Variants in CCBE1 observed in about 807,000 individuals in gnomAD.
CCBE1 encodes collagen and calcium-binding EGF domain-containing protein 1.
Under a neutral mutation model 50.0 loss-of-function variants are expected in CCBE1, and 37 were observed. That is an observed-to-expected ratio of 0.74 (90% confidence interval 0.57 to 0.97). CCBE1 has a LOEUF of 0.97. Ranked by LOEUF, CCBE1 falls within the 50% of genes least tolerant of loss-of-function variation. The probability of loss-of-function intolerance (pLI) is 0.00; values close to 1 mark genes in which losing one functional copy is unlikely to be tolerated. For missense variants in CCBE1, 538 were observed against 523.8 expected, an observed-to-expected ratio of 1.03 and a Z score of -0.26; for synonymous variants, 234 against 203.7, an observed-to-expected ratio of 1.15 and a Z score of -1.27.
chr18:59,622,508 A>G (rs551923910), intron 2 of CCBE1, among the ~76,000 whole-genome samples: 6,110 of 63,842 alleles, frequency 0.096, 316 homozygotes, highest in African/African-American at 0.24. Flanking sequence ...CATCTTAAAG[A>G]AAAAAAAAAA....
At chr18:59,670,856 G>A (rs1019848714) in intron 2 of CCBE1, among the ~76,000 whole-genome samples, 1 of 152,130 alleles carries the variant, frequency 6.6e-6, no homozygotes, top group Non-Finnish European at 1.5e-5. Flanking sequence ...GCTGAGCCAG[G>A]AGAATCACTT....
chr18:59,528,998 G>C (rs147346973), intron 2 of CCBE1, among the ~76,000 whole-genome samples: 1 of 152,220 alleles, frequency 6.6e-6, no homozygotes, highest in African/African-American at 2.4e-5. Context: ...CTTGGCGGAG[G>C]GGGTGTGCTG....
chr18:59,442,763 G>T (rs1039007635), intron 7 of CCBE1, among the ~76,000 whole-genome samples: 6 of 152,002 alleles, frequency 3.9e-5, no homozygotes, highest in South Asian at 2.1e-4. Context: ...AAAATTGGGA[G>T]ATTTCATATA....
intron 5 of CCBE1, 84 bp from the exon 6 acceptor site, chr18:59,455,035 C>T (rs1911121833): frequency 9.3e-7 from 1 of 1,080,550 alleles, no homozygotes; most frequent in Non-Finnish European, 1.4e-6. Context: ...AGGGCGGTCC[C>T]AGGGACAGAG....
chr18:59,626,080 C>T (rs2053780643), intron 2 of CCBE1, among the ~76,000 whole-genome samples: 1 of 152,168 alleles, frequency 6.6e-6, no homozygotes, highest in South Asian at 2.1e-4. Flanking sequence ...AAAAATGCTA[C>T]ATAGACATGC....
At chr18:59,622,381 G>A (rs996413665) in intron 2 of CCBE1, among the ~76,000 whole-genome samples, 1 of 151,656 alleles carries the variant, frequency 6.6e-6, no homozygotes, top group African/African-American at 2.4e-5. Context: ...CTGTAATCTC[G>A]GGATTACAGC....
chr18:59,523,077 A>G (rs1914676775), intron 2 of CCBE1, among the ~76,000 whole-genome samples: 1 of 151,920 alleles, frequency 6.6e-6, no homozygotes, highest in Non-Finnish European at 1.5e-5. Context: ...TGTACTCCTG[A>G]ACAGGACTTA....
chr18:59,529,265 G>A (rs1914953314), intron 2 of CCBE1, among the ~76,000 whole-genome samples: 1 of 152,226 alleles, frequency 6.6e-6, no homozygotes, highest in South Asian at 2.1e-4. Flanking sequence ...CACAGCTGCT[G>A]TGCTGTGCTG....
At chr18:59,477,484 C>T (rs919905371) in intron 3 of CCBE1, among the ~76,000 whole-genome samples, 1 of 151,842 alleles carries the variant, frequency 6.6e-6, no homozygotes, top group Admixed American at 6.6e-5. Context: ...CAGAAAAAAG[C>T]CCTGTAAATT....
intron 2 of CCBE1, among the ~76,000 whole-genome samples, chr18:59,609,439 G>T (rs911528384): frequency 2.1e-4 from 32 of 152,206 alleles, no homozygotes; most frequent in African/African-American, 7.5e-4. Context: ...CTAGGTTTTC[G>T]ACATGCTACA....
intron 2 of CCBE1, among the ~76,000 whole-genome samples, chr18:59,489,862 GAGA>G (rs1913008193): frequency 6.6e-6 from 1 of 151,848 alleles, no homozygotes; most frequent in Non-Finnish European, 1.5e-5. Flanking sequence ...TAGTTCAAAT[GAGA>G]AGAAGATCAT....
intron 6 of CCBE1, among the ~76,000 whole-genome samples, chr18:59,451,456 G>A (rs1249293801): frequency 2.1e-4 from 22 of 105,088 alleles, no homozygotes; most frequent in Admixed American, 1.8e-3. Context: ...AAAAAAAAAA[G>A]GACAGGAGAG....
intron 2 of CCBE1, among the ~76,000 whole-genome samples, chr18:59,538,442 A>G (rs1469676285): frequency 6.6e-6 from 1 of 152,236 alleles, no homozygotes; most frequent in African/African-American, 2.4e-5. Flanking sequence ...AAGCAAATCA[A>G]TCAGCTGATG....
intron 2 of CCBE1, among the ~76,000 whole-genome samples, chr18:59,629,068 T>A (rs570518916): frequency 6.6e-6 from 1 of 152,036 alleles, no homozygotes; most frequent in Admixed American, 6.5e-5. Context: ...GGGACATACA[T>A]GAGATCCTGT....
intron 2 of CCBE1, among the ~76,000 whole-genome samples, chr18:59,685,138 A>T (rs960926553): frequency 6.6e-6 from 1 of 151,984 alleles, no homozygotes; most frequent in African/African-American, 2.4e-5. Context: ...AGCAAAATAT[A>T]TTTTTTTTAA....
chr18:59,594,709 C>T lies in CCBE1; in HGVS notation c.212+101920G>A, dbSNP rs982740275. Among the ~76,000 whole-genome samples, 5 of 152,100 alleles carry T rather than the reference C, an allele frequency of 3.3e-5. No homozygotes were observed. The South Asian group carries it at 8.3e-4, about 25-fold the overall frequency. ...GTAGATACTCATTTCCTCGGTGCTA[C>T]TCACTTTGTCAACAGTACATCTTTA... On this transcript the variant is annotated intron_variant, in intron 2 of 10. Coordinates refer to ENST00000439986, the MANE Select transcript of CCBE1 (RefSeq NM_133459.4).
intron 2 of CCBE1, among the ~76,000 whole-genome samples, chr18:59,582,935 C>T (rs914367798): frequency 1.6e-4 from 24 of 152,138 alleles, no homozygotes; most frequent in African/African-American, 5.3e-4. Context: ...ACCTCTGCCT[C>T]CTAAGTAGCT....
intron 2 of CCBE1, among the ~76,000 whole-genome samples, chr18:59,650,947 AAGAC>A (rs538158846): frequency 1.3e-5 from 2 of 152,054 alleles, no homozygotes; most frequent in South Asian, 4.1e-4. Context: ...ACATAGCTTC[AAGAC>A]AGACAGACTG....
intron 5 of CCBE1, among the ~76,000 whole-genome samples, chr18:59,458,636 T>G (rs1349553672): frequency 1.3e-5 from 2 of 152,220 alleles, no homozygotes; most frequent in African/African-American, 4.8e-5. Flanking sequence ...TCTTTCAGAT[T>G]GCTGTGCGAA....
Sources: gnomAD v4.1 joint callset for allele counts (sites outside exome capture counted in the v4.1 genomes callset) on GRCh38, gnomAD v4.1.1 for gene constraint, MANE v1.5 for transcripts, NCBI Gene and HGNC (gene_info 2026-07-23, HGNC 2026-07-21) for gene names.